Variants in DOK6 observed in about 807,000 individuals in gnomAD.
DOK6 encodes downstream of tyrosine kinase 6.
A neutral mutation model predicts 44.0 loss-of-function variants in DOK6; 22 were observed. The observed-to-expected ratio is 0.50, with a 90% confidence interval of 0.36 to 0.71. The LOEUF is 0.71. Ranked by LOEUF, DOK6 falls within the 30% of genes least tolerant of loss-of-function variation. The pLI is 0.00. For synonymous variants in DOK6, 166 were observed against 145.5 expected (o/e 1.14, Z -1.01); for missense variants, 340 against 416.4 (o/e 0.82, Z 1.60).
At chr18:69,708,741 G>A (rs776170675) in intron 5 of DOK6, among the ~76,000 whole-genome samples, 19 of 139,010 alleles carry the variant, frequency 1.4e-4, no homozygotes, top group Non-Finnish European at 1.8e-4. Context: ...CCGAGATCAC[G>A]CCATTGCACT....
At chr18:69,483,537 T>C (rs775865367) in intron 1 of DOK6, 7 of 152,084 alleles carry the variant, frequency 4.6e-5, no homozygotes, top group East Asian at 1.9e-4. Context: ...TTCCATAGCA[T>C]TGGGACAGAC....
intron 2 of DOK6, among the ~76,000 whole-genome samples, chr18:69,588,364 CAT>C (rs141146286): frequency 1.1e-3 from 161 of 152,268 alleles, no homozygotes; most frequent in Middle Eastern, 6.8e-3. Flanking sequence ...ACAGTTAAAA[CAT>C]GTGTGTTTTT....
intron 4 of DOK6, among the ~76,000 whole-genome samples, chr18:69,691,810 T>C (rs185044645): frequency 7.6e-4 from 115 of 152,244 alleles, no homozygotes; most frequent in Non-Finnish European, 1.4e-3. Context: ...AAAGGTGGAA[T>C]GCAGAAAATA....
intron 1 of DOK6, among the ~76,000 whole-genome samples, chr18:69,406,130 G>T (rs7243624): frequency 0.23 from 35,439 of 151,328 alleles, 4,586 homozygotes; most frequent in Non-Finnish European, 0.3. Context: ...GTGTAGATTT[G>T]CCACTTACTT....
At chr18:69,684,956 G>A (rs913683132) in intron 4 of DOK6, among the ~76,000 whole-genome samples, 1 of 152,072 alleles carries the variant, frequency 6.6e-6, no homozygotes, top group African/African-American at 2.4e-5. Flanking sequence ...TGGCATACAG[G>A]CGCATACAAA....
chr18:69,603,607 TA>T (rs1160638862), intron 3 of DOK6, among the ~76,000 whole-genome samples: 1 of 151,930 alleles, frequency 6.6e-6, no homozygotes, highest in Non-Finnish European at 1.5e-5. Flanking sequence ...CCGTCTCTAC[TA>T]AAAATACAAA....
At chr18:69,438,175 T>C (rs1041148893) in intron 1 of DOK6, among the ~76,000 whole-genome samples, 1 of 152,172 alleles carries the variant, frequency 6.6e-6, no homozygotes, top group Non-Finnish European at 1.5e-5. Context: ...GAAAGATTTC[T>C]CTGTAGCAAG....
At chr18:69,496,273 T>C (rs1255161876) in intron 1 of DOK6, among the ~76,000 whole-genome samples, 5 of 152,238 alleles carry the variant, frequency 3.3e-5, no homozygotes, top group Non-Finnish European at 5.9e-5. Context: ...TCCTGCCTGC[T>C]TTGTGGAGTG....
intron 1 of DOK6, among the ~76,000 whole-genome samples, chr18:69,514,708 G>GTT (rs1274287770): frequency 5.8e-5 from 7 of 121,110 alleles, no homozygotes; most frequent in Non-Finnish European, 1.2e-4. Context: ...ATTTGGGTAG[G>GTT]TTTTTTGTTT....
At chr18:69,811,022 C>T (rs1391348958) in intron 7 of DOK6, among the ~76,000 whole-genome samples, 1 of 152,018 alleles carries the variant, frequency 6.6e-6, no homozygotes, top group Non-Finnish European at 1.5e-5. Flanking sequence ...TAGCATTATT[C>T]ACAGTAGCTA....
At chr18:69,422,537 A>G (rs1169339693) in intron 1 of DOK6, among the ~76,000 whole-genome samples, 3 of 152,228 alleles carry the variant, frequency 2.0e-5, no homozygotes, top group East Asian at 3.8e-4. Context: ...AAGTTATTCA[A>G]TATTAGACCT....
chr18:69,815,073 C>T (rs1234757721), intron 7 of DOK6, among the ~76,000 whole-genome samples: 3 of 152,094 alleles, frequency 2.0e-5, no homozygotes, highest in African/African-American at 7.2e-5. Context: ...TTAATTCCTA[C>T]CCCCAGAACA....
intron 3 of DOK6, among the ~76,000 whole-genome samples, chr18:69,655,974 A>G (rs1285972371): frequency 6.6e-6 from 1 of 152,106 alleles, no homozygotes; most frequent in Non-Finnish European, 1.5e-5. Flanking sequence ...CAAAATGGTA[A>G]TTGCTGAAAA....
At chr18:69,490,951 T>C (rs998211502) in intron 1 of DOK6, among the ~76,000 whole-genome samples, 1 of 152,252 alleles carries the variant, frequency 6.6e-6, no homozygotes, top group African/African-American at 2.4e-5. Context: ...TCATTGTGAA[T>C]GCCCTCAGAA....
At chr18:69,725,329 A>AT (rs1439549389) in intron 5 of DOK6, among the ~76,000 whole-genome samples, 2 of 152,192 alleles carry the variant, frequency 1.3e-5, no homozygotes, top group Non-Finnish European at 2.9e-5. Flanking sequence ...GAACAAGCTA[A>AT]TGAGACTCGG....
At chr18:69,647,184 C>CT (rs921541762) in intron 3 of DOK6, among the ~76,000 whole-genome samples, 3 of 151,328 alleles carry the variant, frequency 2.0e-5, no homozygotes, top group African/African-American at 4.8e-5. Context: ...TCCATCTATC[C>CT]ATCCATCTAC....
In DOK6 at chr18:69,401,374, G is replaced by C. The variant is rs111462164; in HGVS notation, c.66+64G>C. 2.0e-4 allele frequency: 281 copies of C among 1,421,774 alleles called. 2 individuals are homozygous for C. Among genetic ancestry groups the C allele is most frequent in the South Asian group, 1.1e-3 (76 of 67,322 alleles). The allele number at this position is 1,421,774 out of a possible 1,614,324, so 88.1% of individuals were successfully genotyped here. A position where few individuals can be genotyped will look rare whatever the true frequency, so the allele number is the denominator to read the frequency against. ...GTTCGGCCCGGCTGGCTGCCTGGGGGGGGGGCAGGGAGAGGTGACCCGTGC... is the reference window on the plus strand; with the variant it reads ...GTTCGGCCCGGCTGGCTGCCTGGGGCGGGGGCAGGGAGAGGTGACCCGTGC... On this transcript the variant is annotated intron_variant, in intron 1 of 7. Transcript: ENST00000382713.
At chr18:69,442,345 C>T (rs1455670980) in intron 1 of DOK6, among the ~76,000 whole-genome samples, 1 of 152,104 alleles carries the variant, frequency 6.6e-6, no homozygotes, top group Non-Finnish European at 1.5e-5. Flanking sequence ...TTAATTGTCT[C>T]ACAATTCAGC....
At chr18:69,712,284 A>C (rs1269121873) in intron 5 of DOK6, among the ~76,000 whole-genome samples, 13 of 24,718 alleles carry the variant, frequency 5.3e-4, no homozygotes, top group African/African-American at 2.5e-3. Flanking sequence ...CCGTCTCAAA[A>C]AAAAAAAAAA....
Sources: gnomAD v4.1 joint callset for allele counts (sites outside exome capture counted in the v4.1 genomes callset) on GRCh38, gnomAD v4.1.1 for gene constraint, MANE v1.5 for transcripts, NCBI Gene and HGNC (gene_info 2026-07-23, HGNC 2026-07-21) for gene names.